PHF20L1: variants seen among roughly 807,000 people sequenced by gnomAD.
The protein encoded by PHF20L1 is PHD finger protein 20 like 1.
Under a neutral mutation model 125.5 loss-of-function variants are expected in PHF20L1, and 44 were observed. The observed-to-expected ratio is 0.35, with a 90% CI of 0.28 to 0.45. PHF20L1 has a LOEUF of 0.45. Among genes scored for constraint, PHF20L1 ranks in the 20% least tolerant of loss-of-function variants. The probability of loss-of-function intolerance (pLI) is 1.00; values close to 1 mark genes in which losing one functional copy is unlikely to be tolerated. For synonymous variants in PHF20L1, 380 were observed against 403.1 expected (o/e 0.94, Z 0.69); for missense variants, 1,012 against 1,217.2 (o/e 0.83, Z 2.51).
intron 2 of PHF20L1, among the ~76,000 whole-genome samples, chr8:132,786,522 C>A (rs781647011): frequency 1.3e-5 from 2 of 151,974 alleles, no homozygotes; most frequent in Non-Finnish European, 2.9e-5. Flanking sequence ...GTTTTTAATA[C>A]ATCTTTGGTA....
Position 132,833,316 on chromosome 8 carries a change from T to C in PHF20L1, c.1909+917T>C, listed in dbSNP as rs148204132. Reference sequence around the variant, plus strand: ...GGTCTAAGTCCTCCCTGGCTCGTTATGGAGAAAGCATTTTCTTTCCTTTAT... The same window carrying C: ...GGTCTAAGTCCTCCCTGGCTCGTTACGGAGAAAGCATTTTCTTTCCTTTAT... On this transcript the variant is annotated intron_variant, in intron 15 of 20. Transcript: ENST00000395386. Among the ~76,000 whole-genome samples, 268 of 152,232 alleles carry C rather than the reference T, an allele frequency of 1.8e-3. 5 individuals carry two copies. In the East Asian group the frequency reaches 0.041, roughly 23 times the overall value.
chr8:132,836,628 C>A lies in PHF20L1; in HGVS notation c.1998C>A (p.Thr666=). 6.2e-7 allele frequency: 1 copy of A among 1,612,546 alleles called. No individual in the cohort carries two copies. The change falls in exon 16 of 21, where the codon ACC becomes ACA. Residue 666 remains threonine, a synonymous_variant. Transcript: ENST00000395386. ...AATACAATCAGGACTTTGATTCAAC[C>A]AATTTTGAGGAATCTCAGGATGAGG... ...GDEYNQDFDS[T]NFEESQDEDD... is the part of the protein sequence containing the mutation.
At chr8:132,803,034 T>G (rs1833270449) in intron 6 of PHF20L1, among the ~76,000 whole-genome samples, 1 of 151,840 alleles carries the variant, frequency 6.6e-6, no homozygotes, top group African/African-American at 2.4e-5. Context: ...ACACCTTTTT[T>G]TATAATAAGC....
chr8:132,797,027 A>G (rs1452679668), intron 4 of PHF20L1, among the ~76,000 whole-genome samples: 3 of 151,994 alleles, frequency 2.0e-5, no homozygotes, highest in Admixed American at 6.6e-5. Flanking sequence ...TCTTTATTCT[A>G]TCCCTTTCAT....
At chr8:132,804,578 T>C (rs947001543) in intron 7 of PHF20L1, 37 bp from the exon 8 acceptor site, 1 of 1,529,766 alleles carries the variant, frequency 6.5e-7, no homozygotes, top group African/African-American at 1.4e-5. Context: ...ATTTGGATTC[T>C]AGATAAACTC....
intron 9 of PHF20L1, chr8:132,812,225 T>C (rs1834477613): frequency 1.0e-6 from 1 of 979,738 alleles, no homozygotes; most frequent in Non-Finnish European, 1.2e-6. Context: ...GTCCCAGATA[T>C]AACAATATTT....
intron 10 of PHF20L1, 124 bp from the exon 11 acceptor site, chr8:132,816,764 G>T: frequency 1.5e-6 from 1 of 679,544 alleles, no homozygotes; most frequent in East Asian, 2.9e-5. Flanking sequence ...GCCATTCCTT[G>T]TGGATATCTT....
At chr8:132,816,264 GT>G (rs1369360907) in intron 10 of PHF20L1, 1 of 150,846 alleles carries the variant, frequency 6.6e-6, no homozygotes, top group African/African-American at 2.4e-5. Context: ...AGTACACAAT[GT>G]CATAATCTTA....
rs548747303 is a variant in PHF20L1 at position 132,835,018 on chromosome 8, CAT to C, written c.1910-1521_1910-1520del. On this transcript the variant is annotated intron_variant, in intron 15 of 20. Transcript: ENST00000395386. The stretch of plus-strand genomic sequence containing the variant: ...GAAGCTGATAGAGGAAACACTAAAT[CAT>C]GTGAAAAATGTAGAGTATAAATAGC... Among the ~76,000 whole-genome samples, 31 of 152,164 alleles carry C rather than the reference CAT, an allele frequency of 2.0e-4. No individual in the cohort carries two copies. In the East Asian group the frequency reaches 5.2e-3, roughly 26 times the overall value.
At chr8:132,832,169 TA>T (rs1408521270) in intron 14 of PHF20L1, 65 bp from the exon 15 acceptor site, 1 of 1,044,148 alleles carries the variant, frequency 9.6e-7, no homozygotes, top group East Asian at 2.4e-5. Context: ...TGACTTTCGT[TA>T]TTTTTATAGT....
chr8:132,833,514 T>A (rs1242994302), intron 15 of PHF20L1, among the ~76,000 whole-genome samples: 2 of 152,058 alleles, frequency 1.3e-5, no homozygotes, highest in African/African-American at 4.8e-5. Context: ...TTCTAAACTA[T>A]ACTGATCATG....
At chr8:132,813,055 G>T in intron 9 of PHF20L1, 1 of 957,712 alleles carries the variant, frequency 1.0e-6, no homozygotes, top group Non-Finnish European at 1.2e-6. Flanking sequence ...ATTTTTCCTT[G>T]TTTAGAAGTT....
At chr8:132,795,080 A>G (rs569683316) in intron 4 of PHF20L1, among the ~76,000 whole-genome samples, 1 of 152,274 alleles carries the variant, frequency 6.6e-6, no homozygotes, top group African/African-American at 2.4e-5. Context: ...GGCTTATATC[A>G]TATACATTTT....
At chr8:132,812,304 T>G (rs917827495) in intron 9 of PHF20L1, 40 of 984,962 alleles carry the variant, frequency 4.1e-5, no homozygotes, top group Non-Finnish European at 4.6e-5. Context: ...ATAAAATGTT[T>G]CTGGAAAATT....
At chr8:132,816,600 G>A (rs547800412) in intron 10 of PHF20L1, 1 of 264,542 alleles carries the variant, frequency 3.8e-6, no homozygotes, top group African/African-American at 2.2e-5. Context: ...TGCAATTAGA[G>A]AAATTAACTG....
rs1397637977 is a variant in PHF20L1 at position 132,794,454 on chromosome 8, T to C, written c.128T>C (p.Met43Thr). The change falls in exon 3 of 21, where the codon ATG (methionine) becomes ACG (threonine). Residue 43 changes from methionine to threonine, a missense_variant. Physicochemically the swap from Met to Thr is moderately conservative, Grantham distance 81. Coordinates refer to ENST00000395386, the MANE Select transcript of PHF20L1 (RefSeq NM_016018.5). ...AAAATTGACTATGAGGAGGGCAAGA[T>C]GTTGGTCCATTTTGAGCGCTGGAGT... ...IEKIDYEEGK[M>T]LVHFERWSHR... 1 of 1,612,086 alleles carries C rather than the reference T, an allele frequency of 6.2e-7. No homozygotes were observed.
intron 8 of PHF20L1, among the ~76,000 whole-genome samples, chr8:132,804,944 C>A (rs896370578): frequency 6.6e-6 from 1 of 151,920 alleles, no homozygotes; most frequent in African/African-American, 2.4e-5. Context: ...TACCACATAT[C>A]TTCTACCTAC....
At chr8:132,825,480 T>C in intron 14 of PHF20L1, 109 bp downstream of exon 14, 1 of 848,906 alleles carries the variant, frequency 1.2e-6, no homozygotes, top group Admixed American at 3.1e-5. Flanking sequence ...GTGTCCCGTG[T>C]TGAGAACTGA....
intron 9 of PHF20L1, among the ~76,000 whole-genome samples, chr8:132,813,710 T>C (rs780526214): frequency 7.2e-5 from 11 of 151,764 alleles, no homozygotes; most frequent in Non-Finnish European, 1.5e-4. Flanking sequence ...CAGAAAGAGA[T>C]AGAAGTATTG....
Sources: allele counts gnomAD v4.1 joint callset (sites outside exome capture counted in the v4.1 genomes callset), GRCh38; gene constraint gnomAD v4.1.1; transcripts MANE v1.5; gene names NCBI Gene and HGNC (gene_info 2026-07-23, HGNC 2026-07-21).